The following PPFIBP2 variants were observed in gnomAD, a reference collection of about 807,000 sequenced individuals.
PPFIBP2 encodes the protein PPFIB scaffold protein 2, also known as liprin-beta-2.
In PPFIBP2, 118 loss-of-function variants were observed where a neutral mutation model predicts 118.3. The ratio of observed to expected loss-of-function variants is 1.00; its 90% confidence interval spans 0.86 to 1.16. The LOEUF (loss-of-function observed/expected upper bound fraction) is 1.16, where lower values mean the gene tolerates loss of function less well. PPFIBP2 is among the 50% of genes most tolerant of loss of function. The pLI is 0.00. For synonymous variants in PPFIBP2, 414 were observed against 397.4 expected (o/e 1.04, Z -0.50); for missense variants, 1,195 against 1,073.1 (o/e 1.11, Z -1.59).
intron 1 of PPFIBP2, among the ~76,000 whole-genome samples, chr11:7,521,799 G>C (rs1206676731): frequency 6.6e-6 from 1 of 152,172 alleles, no homozygotes; most frequent in Non-Finnish European, 1.5e-5. Context: ...AGGGAAAGGG[G>C]CTGGTTATTT....
chr11:7,666,217 C>CAT, the PPFIBP2 span: 14 of 593,002 alleles, frequency 2.4e-5, no homozygotes, highest in East Asian at 2.5e-4. Flanking sequence ...TTCAGTGCAG[C>CAT]GTGAGGTGCT....
Position 7,527,895 on chromosome 11 carries a change from G to A in PPFIBP2, c.-37+13774G>A, listed in dbSNP as rs150981367. Among the ~76,000 whole-genome samples, 218 of 152,262 alleles carry A rather than the reference G, an allele frequency of 1.4e-3. 1 individual carries two copies. Among genetic ancestry groups the A allele is most frequent in the African/African-American group, 4.5e-3 (188 of 41,546 alleles). The stretch of plus-strand genomic sequence containing the variant: ...AGGGCACCAGGGATTGGAAATTACC[G>A]TCTATGAAGTACCCATCATGCATCA... On this transcript the variant is annotated intron_variant, in intron 1 of 23. Coordinates refer to ENST00000299492, the MANE Select transcript of PPFIBP2 (RefSeq NM_003621.5).
rs368873799 is a variant in PPFIBP2, at chr11:7,635,528, C to T, written c.1195-24C>T. On this transcript the variant is annotated intron_variant, in intron 13 of 23. Transcript: ENST00000299492. Reference sequence around the variant, plus strand: ...ACAAGTCTCTTTTTCTCCACATAAACGAAATCCTCATGTTACTCCATAGTG... The same window carrying T: ...ACAAGTCTCTTTTTCTCCACATAAATGAAATCCTCATGTTACTCCATAGTG... 78 of 1,599,404 alleles carry T rather than the reference C, an allele frequency of 4.9e-5. No homozygotes were observed. In the Admixed American group the frequency reaches 6.8e-4, roughly 14 times the overall value.
At chr11:7,542,790 A>G (rs1851931412) in intron 1 of PPFIBP2, among the ~76,000 whole-genome samples, 1 of 152,220 alleles carries the variant, frequency 6.6e-6, no homozygotes, top group African/African-American at 2.4e-5. Flanking sequence ...CCTTATGGCC[A>G]TGACCTTGTG....
chr11:7,626,780 C>T (rs554199847), intron 8 of PPFIBP2, among the ~76,000 whole-genome samples: 5 of 152,320 alleles, frequency 3.3e-5, no homozygotes, highest in Middle Eastern at 3.4e-3. Flanking sequence ...AGAGCAATGC[C>T]GAAGATCATA....
intron 3 of PPFIBP2, among the ~76,000 whole-genome samples, chr11:7,581,985 C>A (rs1443895233): frequency 6.6e-6 from 1 of 151,982 alleles, no homozygotes; most frequent in African/African-American, 2.4e-5. Context: ...TACAGGCATA[C>A]ACCGCCATGC....
intron 8 of PPFIBP2, 61 bp from the exon 9 acceptor site, chr11:7,628,224 C>A: frequency 7.1e-7 from 1 of 1,408,726 alleles, no homozygotes; most frequent in Non-Finnish European, 9.9e-7. Context: ...GACATCATAG[C>A]AAGTGCGGAT....
At chr11:7,607,312 A>T (rs143645076) in intron 5 of PPFIBP2, among the ~76,000 whole-genome samples, 2 of 149,624 alleles carry the variant, frequency 1.3e-5, no homozygotes, top group East Asian at 2.0e-4. Context: ...GGTTCAATCA[A>T]TCCTCCCACC....
downstream of PPFIBP2, chr11:7,656,775 C>G: frequency 1.6e-6 from 2 of 1,289,830 alleles, no homozygotes; most frequent in Non-Finnish European, 2.0e-6. Context: ...CCTGCCTGCC[C>G]CCAACTCTGA....
chr11:7,563,112 G>GACTTTTCCA lies in PPFIBP2; in HGVS notation c.65-2439_65-2431dup, dbSNP rs570798433. 4.3e-3 allele frequency among the ~76,000 whole-genome samples: 650 copies of GACTTTTCCA among 151,790 alleles called. 4 individuals are homozygous for GACTTTTCCA. The highest frequency in any genetic ancestry group is 0.015 in the African/African-American group (627 of 41,368). On this transcript the variant is annotated intron_variant, in intron 2 of 23. Coordinates refer to ENST00000299492, the MANE Select transcript of PPFIBP2 (RefSeq NM_003621.5). ...AGAGAGGGTCACAGAGAAAGGAAGA[G>GACTTTTCCA]ACTTTTCCAAGGCCACACAGTGATA...
chr11:7,579,725 C>T (rs1446835162), intron 3 of PPFIBP2, among the ~76,000 whole-genome samples: 1 of 152,070 alleles, frequency 6.6e-6, no homozygotes, highest in Non-Finnish European at 1.5e-5. Context: ...TATGCTGGCT[C>T]CTGTGGACAG....
chr11:7,636,411 G>A (rs950835593), intron 14 of PPFIBP2, among the ~76,000 whole-genome samples: 2 of 152,086 alleles, frequency 1.3e-5, no homozygotes, highest in African/African-American at 2.4e-5. Context: ...TCTTCAAGTG[G>A]GCAGCCATTC....
chr11:7,623,822 G>A (rs1346912376), intron 7 of PPFIBP2, among the ~76,000 whole-genome samples: 1 of 152,224 alleles, frequency 6.6e-6, no homozygotes. Flanking sequence ...TCTGGCCTTT[G>A]TAGAAATGGA....
intron 12 of PPFIBP2, among the ~76,000 whole-genome samples, chr11:7,633,670 T>C (rs530433263): frequency 3.3e-5 from 5 of 152,238 alleles, no homozygotes; most frequent in East Asian, 1.9e-4. Flanking sequence ...CAGAAAGCAG[T>C]TGTTCCCTTG....
chr11:7,629,477 C>T lies in PPFIBP2; in HGVS notation c.907C>T (p.Leu303Phe), dbSNP rs1850469923. 6.2e-7 allele frequency: 1 copy of T among 1,613,966 alleles called. No homozygotes were observed. Among genetic ancestry groups the T allele is most frequent in the African/African-American group, 1.3e-5 (1 of 74,910 alleles). Reference sequence around the variant, plus strand: ...ATGGCAGGACCGTCGGATAGAGGAGCTTACGGGGCTGTTAAACCAGTACCG... The same window carrying T: ...ATGGCAGGACCGTCGGATAGAGGAGTTTACGGGGCTGTTAAACCAGTACCG... ...NEDKDRRIEE[L>F]TGLLNQYRKV... is the part of the protein sequence containing the mutation. The change falls in exon 10 of 24, where the codon CTT becomes TTT. Residue 303 changes from leucine (L) to phenylalanine (F), a missense_variant. Transcript: ENST00000299492.
chr11:7,537,225 T>C (rs1590154224), intron 1 of PPFIBP2, among the ~76,000 whole-genome samples: 1 of 152,360 alleles, frequency 6.6e-6, no homozygotes, highest in East Asian at 1.9e-4. Context: ...ACTATTCCCC[T>C]GCTCTCTGGC....
the PPFIBP2 span, among the ~76,000 whole-genome samples, chr11:7,664,916 A>G: frequency 6.6e-6 from 1 of 150,568 alleles, no homozygotes; most frequent in African/African-American, 2.4e-5. Context: ...AACCACTCCT[A>G]CCATGACCCC....
At chr11:7,577,330 T>TGTGTGTGTGC (rs1856533273) in intron 3 of PPFIBP2, 43 of 246,858 alleles carry the variant, frequency 1.7e-4, no homozygotes, top group Middle Eastern at 1.4e-3. Flanking sequence ...CGTGTGTGTG[T>TGTGTGTGTGC]GTGTGTGTGT....
chr11:7,537,905 C>T lies in PPFIBP2; in HGVS notation c.-36-11535C>T, dbSNP rs931223297. On this transcript the variant is annotated intron_variant, in intron 1 of 23. Coordinates refer to ENST00000299492, the MANE Select transcript of PPFIBP2 (RefSeq NM_003621.5). Reference sequence around the variant, plus strand: ...TCTCCCCAAACCATTCTCTGACAGACCTGGCATTAAGGCATGGCCTTGGTT... The same window carrying T: ...TCTCCCCAAACCATTCTCTGACAGATCTGGCATTAAGGCATGGCCTTGGTT... Among the ~76,000 whole-genome samples, 8 of 146,232 alleles carry T rather than the reference C, an allele frequency of 5.5e-5. No homozygotes were observed. In the South Asian group the frequency reaches 8.6e-4, roughly 16 times the overall value.
Sources: gnomAD v4.1 joint callset for allele counts (sites outside exome capture counted in the v4.1 genomes callset) on GRCh38, gnomAD v4.1.1 for gene constraint, MANE v1.5 for transcripts, NCBI Gene and HGNC (gene_info 2026-07-23, HGNC 2026-07-21) for gene names.